The following PPP2R2C variants were observed in gnomAD, a reference collection of about 807,000 sequenced individuals.
PPP2R2C encodes protein phosphatase 2, regulatory subunit B, gamma.
A neutral mutation model predicts 45.3 loss-of-function variants in PPP2R2C; 10 were observed. That is an observed-to-expected ratio of 0.22 (90% CI 0.14 to 0.37). PPP2R2C has a LOEUF of 0.37. Among genes scored for constraint, PPP2R2C ranks in the 10% least tolerant of loss-of-function variants. The pLI is 1.00. For synonymous variants in PPP2R2C, 257 were observed against 245.4 expected (o/e 1.05, Z -0.44); for missense variants, 308 against 619.7 (o/e 0.50, Z 5.34).
chr4:6,354,478 A>G (rs1473285374), intron 5 of PPP2R2C, among the ~76,000 whole-genome samples: 1 of 151,814 alleles, frequency 6.6e-6, no homozygotes, highest in African/African-American at 2.4e-5. Context: ...CCACCTCCTG[A>G]TTCACCTCCG....
At chr4:6,392,640 CAGGACATGAG>C (rs1716731387) in intron 1 of PPP2R2C, among the ~76,000 whole-genome samples, 1 of 152,170 alleles carries the variant, frequency 6.6e-6, no homozygotes, top group Non-Finnish European at 1.5e-5. Context: ...AGGGATGGGG[CAGGACATGAG>C]CTCAGAGCTC....
chr4:6,541,597 A>G (rs940410106), intron 1 of PPP2R2C, among the ~76,000 whole-genome samples: 62 of 152,100 alleles, frequency 4.1e-4, no homozygotes, highest in African/African-American at 1.5e-3. Flanking sequence ...CCCAGGCTGG[A>G]GTGCAGTGGC....
chr4:6,505,038 T>C (rs1486827418), intron 2 of PPP2R2C, among the ~76,000 whole-genome samples: 2 of 152,066 alleles, frequency 1.3e-5, no homozygotes, highest in African/African-American at 4.8e-5. Context: ...AGAAAAACTC[T>C]GGAAAGAAGC....
intron 1 of PPP2R2C, among the ~76,000 whole-genome samples, chr4:6,562,867 C>G (rs1207357805): frequency 6.6e-6 from 1 of 151,910 alleles, no homozygotes; most frequent in Non-Finnish European, 1.5e-5. Context: ...TAAAAGCCAA[C>G]CCGGGTCACT....
intron 2 of PPP2R2C, among the ~76,000 whole-genome samples, chr4:6,483,113 G>GGATAGATA (rs35392985): frequency 9.9e-5 from 14 of 140,762 alleles, no homozygotes; most frequent in African/African-American, 3.6e-4. Context: ...ATAGATAAAT[G>GGATAGATA]GATAGATAGA....
intron 1 of PPP2R2C, among the ~76,000 whole-genome samples, chr4:6,453,042 G>T (rs920145172): frequency 7.9e-5 from 12 of 152,214 alleles, no homozygotes; most frequent in African/African-American, 2.4e-4. Context: ...TGAGAGCCAG[G>T]ATGGATGCGT....
chr4:6,440,602 C>A (rs899625230), intron 1 of PPP2R2C, among the ~76,000 whole-genome samples: 3 of 152,200 alleles, frequency 2.0e-5, no homozygotes, highest in Non-Finnish European at 2.9e-5. Context: ...ATTGGGAGAC[C>A]CAAGATGATG....
intron 1 of PPP2R2C, among the ~76,000 whole-genome samples, chr4:6,460,291 G>C (rs1051103356): frequency 1.3e-5 from 2 of 152,160 alleles, no homozygotes; most frequent in African/African-American, 4.8e-5. Flanking sequence ...TATGCCTGGT[G>C]TCCCTCTAAG....
At chr4:6,337,607 C>G (rs1328684193) in intron 6 of PPP2R2C, among the ~76,000 whole-genome samples, 2 of 152,144 alleles carry the variant, frequency 1.3e-5, no homozygotes, top group African/African-American at 4.8e-5. Context: ...GAGGGCTGGT[C>G]TAGGTTCCCA....
chr4:6,392,147 G>A (rs909754227), intron 1 of PPP2R2C, among the ~76,000 whole-genome samples: 5 of 152,296 alleles, frequency 3.3e-5, no homozygotes, highest in South Asian at 4.1e-4. Flanking sequence ...GCACAGCAAC[G>A]TGAATATACT....
chr4:6,350,079 G>C, intron 5 of PPP2R2C: 1 of 985,358 alleles, frequency 1.0e-6, no homozygotes, highest in Non-Finnish European at 1.2e-6. Context: ...TAGAAAGAGA[G>C]GGAAAAATGA....
chr4:6,439,223 A>AT (rs1325098456), intron 1 of PPP2R2C, among the ~76,000 whole-genome samples: 1 of 152,266 alleles, frequency 6.6e-6, no homozygotes, highest in East Asian at 1.9e-4. Flanking sequence ...GTTTGCCAGT[A>AT]TCAGCAGAAA....
At chr4:6,523,264 A>G (rs1221690364) in intron 2 of PPP2R2C, among the ~76,000 whole-genome samples, 1 of 152,200 alleles carries the variant, frequency 6.6e-6, no homozygotes, top group Non-Finnish European at 1.5e-5. Context: ...TGTTTGAAAG[A>G]AAGAACACAA....
chr4:6,483,164 CGATA>C (rs1176101132), intron 2 of PPP2R2C, among the ~76,000 whole-genome samples: 5 of 141,906 alleles, frequency 3.5e-5, no homozygotes, highest in South Asian at 2.3e-4. Flanking sequence ...GATAGATAGA[CGATA>C]GATAGAGCCA....
intron 1 of PPP2R2C, among the ~76,000 whole-genome samples, chr4:6,385,731 A>G (rs150714465): frequency 0.023 from 3,449 of 152,060 alleles, 119 homozygotes; most frequent in African/African-American, 0.071. Flanking sequence ...CACCACACCC[A>G]GCTAATTTTT....
intron 1 of PPP2R2C, among the ~76,000 whole-genome samples, chr4:6,420,415 G>A (rs1333398788): frequency 6.6e-6 from 1 of 152,140 alleles, no homozygotes; most frequent in Admixed American, 6.6e-5. Flanking sequence ...ACAGGTCCAG[G>A]GACTTGGGGC....
intron 1 of PPP2R2C, among the ~76,000 whole-genome samples, chr4:6,449,297 G>C (rs944647757): frequency 6.6e-6 from 1 of 152,212 alleles, no homozygotes; most frequent in Non-Finnish European, 1.5e-5. Context: ...ACCGTGTTCT[G>C]TCCCAACAAG....
At chr4:6,433,420 C>A (rs1719730191) in intron 1 of PPP2R2C, among the ~76,000 whole-genome samples, 1 of 152,166 alleles carries the variant, frequency 6.6e-6, no homozygotes, top group Admixed American at 6.5e-5. Flanking sequence ...TGTAAGACAT[C>A]AACAGTTTTG....
intron 6 of PPP2R2C, among the ~76,000 whole-genome samples, chr4:6,346,029 A>C (rs1401368495): frequency 6.6e-6 from 1 of 151,846 alleles, no homozygotes; most frequent in Non-Finnish European, 1.5e-5. Context: ...ACCTTCACCC[A>C]CAGCTCAAAC....
Sources: gnomAD v4.1 joint callset for allele counts (sites outside exome capture counted in the v4.1 genomes callset) on GRCh38, gnomAD v4.1.1 for gene constraint, MANE v1.5 for transcripts, NCBI Gene and HGNC (gene_info 2026-07-23, HGNC 2026-07-21) for gene names.